Variants in MGAT4C observed in about 807,000 individuals in gnomAD.
MGAT4C encodes the protein alpha-1,3-mannosyl-glycoprotein 4-beta-N-acetylglucosaminyltransferase C.
Under a neutral mutation model 40.1 loss-of-function variants are expected in MGAT4C, and 19 were observed. The ratio of observed to expected loss-of-function variants is 0.47; its 90% CI spans 0.33 to 0.70. The LOEUF (loss-of-function observed/expected upper bound fraction) is 0.70, where lower values mean the gene tolerates loss of function less well. Ranked by LOEUF, MGAT4C falls within the 30% of genes least tolerant of loss-of-function variation. The pLI, the probability that MGAT4C is intolerant of heterozygous loss-of-function variation, is 0.02. For missense variants in MGAT4C, 491 were observed against 563.2 expected (o/e 0.87, Z 1.30); for synonymous variants, 181 against 187.1 (o/e 0.97, Z 0.27).
chr12:86,160,916 T>C (rs957810806), intron 1 of MGAT4C, among the ~76,000 whole-genome samples: 2 of 152,102 alleles, frequency 1.3e-5, no homozygotes, highest in Admixed American at 1.3e-4. Context: ...GTGTGTTTTC[T>C]ATATGCATGT....
chr12:86,404,380 G>A (rs1464259121), intron 3 of MGAT4C, among the ~76,000 whole-genome samples: 2 of 152,068 alleles, frequency 1.3e-5, no homozygotes, highest in Admixed American at 1.3e-4. Flanking sequence ...TAAGGAAAAA[G>A]GGTCTTTGCA....
At chr12:86,262,500 T>C (rs1332781904) in intron 4 of MGAT4C, among the ~76,000 whole-genome samples, 1 of 152,092 alleles carries the variant, frequency 6.6e-6, no homozygotes, top group Non-Finnish European at 1.5e-5. Flanking sequence ...TAAGTGACCT[T>C]ATATCCTGAT....
chr12:86,076,599 A>C (rs1298409871), intron 1 of MGAT4C, among the ~76,000 whole-genome samples: 1 of 152,208 alleles, frequency 6.6e-6, no homozygotes, highest in Non-Finnish European at 1.5e-5. Context: ...GAGGCCTCAT[A>C]ATCATGGCAG....
At chr12:86,461,235 TC>T (rs1278055272) in intron 2 of MGAT4C, among the ~76,000 whole-genome samples, 3 of 149,194 alleles carry the variant, frequency 2.0e-5, no homozygotes, top group African/African-American at 4.9e-5. Flanking sequence ...TTACACATCT[TC>T]TTTTTTTTTT....
Position 85,963,231 on chromosome 12 carries a change from T to C in MGAT4C, c.*16058A>G, listed in dbSNP as rs1289272017. 6.6e-6 allele frequency: 1 copy of C among 152,012 alleles called. No homozygotes were observed. Among genetic ancestry groups the C allele is most frequent in the African/African-American group, 2.4e-5 (1 of 41,446 alleles). 9.4% of individuals were successfully genotyped at this position (152,012 alleles called of 1,614,324 possible). On this transcript the variant is annotated 3_prime_UTR_variant, in exon 5 of 5. Transcript: ENST00000611864. ...TGGAAAAATTATAATAATTGAATTT[T>C]TAATTCCTCATAAATATTTTAAAAG...
chr12:86,039,330 A>G (rs1460010728), intron 2 of MGAT4C, among the ~76,000 whole-genome samples: 1 of 152,098 alleles, frequency 6.6e-6, no homozygotes, highest in Non-Finnish European at 1.5e-5. Flanking sequence ...ACTGGGTTCC[A>G]TTCTCCTCAT....
chr12:86,028,093 C>A, intron 2 of MGAT4C: 3 of 1,277,704 alleles, frequency 2.3e-6, no homozygotes, highest in Non-Finnish European at 3.1e-6. Flanking sequence ...ACTACCTTTT[C>A]TAAATAATAC....
intron 3 of MGAT4C, among the ~76,000 whole-genome samples, chr12:85,988,647 TG>T (rs1291225805): frequency 6.6e-6 from 1 of 152,022 alleles, no homozygotes; most frequent in Admixed American, 6.5e-5. Flanking sequence ...CAATAATGTC[TG>T]TATTAATCTC....
At chr12:86,456,548 G>C (rs1445740832) in intron 2 of MGAT4C, among the ~76,000 whole-genome samples, 1 of 152,064 alleles carries the variant, frequency 6.6e-6, no homozygotes, top group Non-Finnish European at 1.5e-5. Flanking sequence ...CTTTGGCATT[G>C]AGTTCTGATA....
At chr12:86,367,851 AC>A (rs1247895884) in intron 3 of MGAT4C, among the ~76,000 whole-genome samples, 1 of 152,062 alleles carries the variant, frequency 6.6e-6, no homozygotes, top group Admixed American at 6.6e-5. Flanking sequence ...AACAAAAAAA[AC>A]AACTCTTAAA....
chr12:86,500,413 A>G (rs1958320499), intron 2 of MGAT4C, among the ~76,000 whole-genome samples: 1 of 151,954 alleles, frequency 6.6e-6, no homozygotes, highest in South Asian at 2.1e-4. Flanking sequence ...AAGACAGTAT[A>G]TAAGTAAATA....
intron 2 of MGAT4C, among the ~76,000 whole-genome samples, chr12:86,606,133 G>A (rs1962035441): frequency 6.6e-6 from 1 of 151,948 alleles, no homozygotes; most frequent in South Asian, 2.1e-4. Flanking sequence ...CAGCATGGGG[G>A]AAACCACCCC....
intron 4 of MGAT4C, among the ~76,000 whole-genome samples, chr12:86,320,022 C>T (rs1031360577): frequency 3.9e-5 from 6 of 152,112 alleles, no homozygotes; most frequent in Non-Finnish European, 8.8e-5. Flanking sequence ...TTTTGGAATA[C>T]TGTAAACTTC....
intron 2 of MGAT4C, among the ~76,000 whole-genome samples, chr12:86,464,956 T>C (rs1038513905): frequency 6.6e-6 from 1 of 152,074 alleles, no homozygotes; most frequent in Non-Finnish European, 1.5e-5. Context: ...GTTGGGTTGT[T>C]CTAGAAATAC....
At chr12:86,098,956 C>T (rs572120100) in intron 1 of MGAT4C, among the ~76,000 whole-genome samples, 2 of 151,348 alleles carry the variant, frequency 1.3e-5, no homozygotes, top group Admixed American at 6.6e-5. Context: ...TTACAGATAA[C>T]CTTTCTTCTC....
At chr12:86,083,246 A>G (rs1329399007) in intron 1 of MGAT4C, among the ~76,000 whole-genome samples, 1 of 152,012 alleles carries the variant, frequency 6.6e-6, no homozygotes, top group Non-Finnish European at 1.5e-5. Flanking sequence ...CTAGACATTC[A>G]TACCTTCTCA....
intron 2 of MGAT4C, among the ~76,000 whole-genome samples, chr12:86,692,279 T>C (rs758690153): frequency 1.3e-5 from 2 of 152,160 alleles, no homozygotes; most frequent in Admixed American, 1.3e-4. Context: ...GCAAACAGTG[T>C]AATTACAAAA....
At chr12:86,357,845 A>G (rs563220078) in intron 3 of MGAT4C, among the ~76,000 whole-genome samples, 60 of 152,314 alleles carry the variant, frequency 3.9e-4, no homozygotes, top group Non-Finnish European at 7.8e-4. Flanking sequence ...GACCAAATCT[A>G]TGTCTGATTG....
intron 2 of MGAT4C, among the ~76,000 whole-genome samples, chr12:86,486,241 GC>G (rs1317172446): frequency 6.6e-6 from 1 of 151,948 alleles, no homozygotes; most frequent in African/African-American, 2.4e-5. Context: ...TGGTCTAATT[GC>G]CCCACTTAAA....
Sources: allele counts gnomAD v4.1 joint callset (sites outside exome capture counted in the v4.1 genomes callset), GRCh38; gene constraint gnomAD v4.1.1; transcripts MANE v1.5; gene names NCBI Gene and HGNC (gene_info 2026-07-23, HGNC 2026-07-21).